AUTS2: variants seen among roughly 807,000 people sequenced by gnomAD.
The protein encoded by AUTS2 is autism susceptibility gene 2 protein.
In AUTS2, 17 loss-of-function variants were observed where a neutral mutation model predicts 112.4. The ratio of observed to expected loss-of-function variants is 0.15; its 90% CI spans 0.10 to 0.23. The LOEUF (loss-of-function observed/expected upper bound fraction) is 0.23, where lower values mean the gene tolerates loss of function less well. Among genes scored for constraint, AUTS2 ranks in the 10% least tolerant of loss-of-function variants. The probability of loss-of-function intolerance (pLI) is 1.00; values close to 1 mark genes in which losing one functional copy is unlikely to be tolerated. For synonymous variants in AUTS2, 751 were observed against 702.7 expected (o/e 1.07, Z -1.09); for missense variants, 1,510 against 1,701.6 (o/e 0.89, Z 1.98).
At chr7:69,652,990 C>T (rs1795359642) in intron 1 of AUTS2, among the ~76,000 whole-genome samples, 2 of 152,098 alleles carry the variant, frequency 1.3e-5, no homozygotes, top group Admixed American at 1.3e-4. Flanking sequence ...GCTGAGTGCC[C>T]ACTATTAAGA....
At chr7:70,334,204 A>C (rs1790885575) in intron 4 of AUTS2, among the ~76,000 whole-genome samples, 1 of 152,136 alleles carries the variant, frequency 6.6e-6, no homozygotes, top group Admixed American at 6.6e-5. Context: ...TTTTCCACTG[A>C]GTACAATGTT....
chr7:69,964,769 G>C (rs1584501080), intron 2 of AUTS2, among the ~76,000 whole-genome samples: 1 of 151,818 alleles, frequency 6.6e-6, no homozygotes, highest in East Asian at 1.9e-4. Flanking sequence ...CTGAAGACAT[G>C]ATTTTTTTTT....
At chr7:69,779,483 G>A (rs542392873) in intron 1 of AUTS2, among the ~76,000 whole-genome samples, 28 of 151,714 alleles carry the variant, frequency 1.8e-4, no homozygotes, top group African/African-American at 6.0e-4. Flanking sequence ...ATAGATAGAA[G>A]CCAGGCGCAG....
At chr7:70,056,656 A>G (rs1243923520) in intron 2 of AUTS2, among the ~76,000 whole-genome samples, 1 of 152,204 alleles carries the variant, frequency 6.6e-6, no homozygotes, top group Admixed American at 6.5e-5. Flanking sequence ...TAGAGTTTCT[A>G]CAACCTGCAT....
intron 1 of AUTS2, among the ~76,000 whole-genome samples, chr7:69,723,004 T>C (rs932260334): frequency 6.6e-6 from 1 of 152,136 alleles, no homozygotes; most frequent in Non-Finnish European, 1.5e-5. Context: ...ATTTCAGCAG[T>C]TGGTGAGCGC....
chr7:70,262,247 T>C (rs534013614), intron 4 of AUTS2, among the ~76,000 whole-genome samples: 1 of 152,302 alleles, frequency 6.6e-6, no homozygotes, highest in East Asian at 1.9e-4. Flanking sequence ...TGGAGTGCAG[T>C]GGTGCGATCT....
chr7:70,254,655 T>C (rs1786765053), intron 4 of AUTS2, among the ~76,000 whole-genome samples: 1 of 152,202 alleles, frequency 6.6e-6, no homozygotes, highest in Non-Finnish European at 1.5e-5. Flanking sequence ...AAAACTTTCC[T>C]TTACCCTTCT....
intron 4 of AUTS2, among the ~76,000 whole-genome samples, chr7:70,137,610 T>A (rs1806638376): frequency 6.6e-6 from 1 of 152,174 alleles, no homozygotes; most frequent in Non-Finnish European, 1.5e-5. Flanking sequence ...AATGATCTTT[T>A]AAGACTACCT....
chr7:69,683,412 G>C (rs931630934), intron 1 of AUTS2, among the ~76,000 whole-genome samples: 3 of 152,146 alleles, frequency 2.0e-5, no homozygotes, highest in Non-Finnish European at 4.4e-5. Flanking sequence ...CTTTCTGTTA[G>C]AAAAGAAATG....
At chr7:70,592,067 G>A (rs547548495) in intron 5 of AUTS2, among the ~76,000 whole-genome samples, 2 of 152,256 alleles carry the variant, frequency 1.3e-5, no homozygotes, top group African/African-American at 2.4e-5. Flanking sequence ...AAGTTATGCT[G>A]TTATAAATAG....
intron 2 of AUTS2, among the ~76,000 whole-genome samples, chr7:70,040,313 A>T (rs1399272590): frequency 5.3e-5 from 8 of 152,096 alleles, no homozygotes; most frequent in South Asian, 2.1e-4. Context: ...CAGGAAGTAC[A>T]TGGGAACTCT....
At chr7:70,731,940 C>T (rs1337215549) in intron 6 of AUTS2, among the ~76,000 whole-genome samples, 1 of 152,140 alleles carries the variant, frequency 6.6e-6, no homozygotes, top group African/African-American at 2.4e-5. Context: ...AACCACAGTA[C>T]AGCTACCAAT....
intron 2 of AUTS2, among the ~76,000 whole-genome samples, chr7:70,095,008 C>G (rs1804116102): frequency 6.6e-6 from 1 of 151,978 alleles, no homozygotes. Flanking sequence ...TTGCAAATAC[C>G]AAGCCCGCAG....
chr7:70,752,624 C>T (rs1378674673), intron 6 of AUTS2, among the ~76,000 whole-genome samples: 1 of 152,144 alleles, frequency 6.6e-6, no homozygotes, highest in African/African-American at 2.4e-5. Flanking sequence ...TTGTCCTGAA[C>T]AGGGCCTAAC....
At chr7:70,177,066 TAGA>T (rs1177185734) in intron 4 of AUTS2, among the ~76,000 whole-genome samples, 4 of 152,328 alleles carry the variant, frequency 2.6e-5, no homozygotes, top group African/African-American at 9.6e-5. Context: ...ATAGCATGAT[TAGA>T]AGGTCAGACT....
At chr7:70,543,730 G>C (rs1800652749) in intron 5 of AUTS2, among the ~76,000 whole-genome samples, 1 of 152,142 alleles carries the variant, frequency 6.6e-6, no homozygotes, top group Non-Finnish European at 1.5e-5. Flanking sequence ...CTGTTGAGGG[G>C]TGTTTATTGT....
At chr7:70,772,963 T>C (rs1790448902) in intron 11 of AUTS2, among the ~76,000 whole-genome samples, 2 of 152,256 alleles carry the variant, frequency 1.3e-5, no homozygotes, top group Non-Finnish European at 2.9e-5. Flanking sequence ...TCGCTCACAA[T>C]TATCCAATCA....
At chr7:70,449,997 T>C (rs1173713619) in intron 5 of AUTS2, among the ~76,000 whole-genome samples, 1 of 152,210 alleles carries the variant, frequency 6.6e-6, no homozygotes, top group East Asian at 1.9e-4. Flanking sequence ...ATGAAACTTC[T>C]TTGTCCAAAG....
chr7:70,405,834 T>G (rs781731238), intron 4 of AUTS2, among the ~76,000 whole-genome samples: 3 of 152,234 alleles, frequency 2.0e-5, no homozygotes, highest in Non-Finnish European at 4.4e-5. Context: ...TGCTGTTATA[T>G]GTATTCATGT....
Sources: gnomAD v4.1 joint callset for allele counts (sites outside exome capture counted in the v4.1 genomes callset) on GRCh38, gnomAD v4.1.1 for gene constraint, MANE v1.5 for transcripts, NCBI Gene and HGNC (gene_info 2026-07-23, HGNC 2026-07-21) for gene names.